CALR3: variants seen among roughly 807,000 people sequenced by gnomAD.
CALR3 encodes calreticulin 3, also known as calreticulin-3.
In CALR3, 39 loss-of-function variants were observed where a neutral mutation model predicts 48.7. That is an observed-to-expected ratio of 0.80 (90% CI 0.62 to 1.05). The LOEUF (loss-of-function observed/expected upper bound fraction) is 1.05. Among genes scored for constraint, CALR3 ranks in the 50% least tolerant of loss-of-function variants. The pLI is 0.00. For synonymous variants in CALR3, 185 were observed against 172.7 expected (o/e 1.07, Z -0.56); for missense variants, 449 against 474.7 (o/e 0.95, Z 0.50).
intron 2 of CALR3, among the ~76,000 whole-genome samples, chr19:16,491,977 C>T (rs1599721634): frequency 2.0e-5 from 3 of 151,714 alleles, no homozygotes; most frequent in African/African-American, 4.8e-5. Context: ...TACAGGCGTG[C>T]GACACCATGC....
chr19:16,486,359 C>T (rs745663798), intron 3 of CALR3, among the ~76,000 whole-genome samples: 2 of 149,610 alleles, frequency 1.3e-5, no homozygotes, highest in South Asian at 2.1e-4. Flanking sequence ...TGGTGGCTCA[C>T]GGCTGTAATC....
chr19:16,479,360 T>C (rs12459647), intron 8 of CALR3, 86 bp from the exon 9 acceptor site: 2 of 1,500,964 alleles, frequency 1.3e-6, no homozygotes, highest in Non-Finnish European at 1.8e-6. Flanking sequence ...CCGAGGCAGA[T>C]GGATCACGAA....
intron 3 of CALR3, among the ~76,000 whole-genome samples, chr19:16,489,603 G>A (rs571545384): frequency 3.5e-5 from 5 of 141,702 alleles, no homozygotes; most frequent in Non-Finnish European, 6.1e-5. Context: ...TGGGCAACAA[G>A]AGCGAAACTC....
chr19:16,482,404 AAC>A, intron 7 of CALR3, 44 bp downstream of exon 7: 2 of 1,532,264 alleles, frequency 1.3e-6, no homozygotes, highest in Non-Finnish European at 1.8e-6. Context: ...AACAAAACAA[AAC>A]ACACACACGC....
chr19:16,492,728 CG>C (rs1265428581), intron 2 of CALR3, among the ~76,000 whole-genome samples: 3 of 151,866 alleles, frequency 2.0e-5, no homozygotes, highest in African/African-American at 7.3e-5. Flanking sequence ...AAAAATTAGC[CG>C]GGCGTGGTGG....
rs1196712022 is a variant in CALR3 at position 16,482,797 on chromosome 19, T to C, written c.679-12A>G. On this transcript the variant is annotated splice_polypyrimidine_tract_variant and intron_variant, in intron 5 of 8. Coordinates refer to ENST00000269881, the MANE Select transcript of CALR3 (RefSeq NM_145046.5). ...TGCTTCTCCCAGTCCTTCAAAGACA[T>C]GTAAGGAAAAAGTAAAATCAGTCAG... 6.2e-7 allele frequency: 1 copy of C among 1,608,814 alleles called. No individual in the cohort carries two copies. Among genetic ancestry groups the C allele is most frequent in the Admixed American group, 1.7e-5 (1 of 59,288 alleles).
chr19:16,487,662 AT>A (rs2093391287), intron 3 of CALR3, among the ~76,000 whole-genome samples: 1 of 151,150 alleles, frequency 6.6e-6, no homozygotes, highest in Non-Finnish European at 1.5e-5. Context: ...TTTGAGACGG[AT>A]TTTTGCTCTC....
In CALR3 at chr19:16,481,412, C is replaced by T. The variant is rs141125658; in HGVS notation, c.919-706G>A. On this transcript the variant is annotated intron_variant, in intron 7 of 8. Transcript: ENST00000269881. ...CCCTCTAAGGCACTGGTTCCTTAAA[C>T]GTGGCTGCACATCGGGATCACCAAA... Among the ~76,000 whole-genome samples the T allele has an allele frequency of 6.4e-3, 970 of 151,094 alleles. 12 individuals carry two copies. The highest frequency in any genetic ancestry group is 0.023 in the African/African-American group (925 of 41,086).
chr19:16,483,660 G>A lies in CALR3; in HGVS notation c.678+270C>T, dbSNP rs557219844. 2.7e-5 allele frequency: 10 copies of A among 369,200 alleles called. No homozygotes were observed. In the Admixed American group the frequency reaches 2.8e-4, roughly 10 times the overall value. 22.9% of individuals were successfully genotyped at this position (369,200 alleles called of 1,614,324 possible). A position where few individuals can be genotyped will look rare whatever the true frequency, so the allele number is the denominator to read the frequency against. ...TTGAACCTGGGAGGCGGAGGTTGCCGTGAGCTGAGATCACGCCACTGCACT... is the reference window on the plus strand; with the variant it reads ...TTGAACCTGGGAGGCGGAGGTTGCCATGAGCTGAGATCACGCCACTGCACT... On this transcript the variant is annotated intron_variant, in intron 5 of 8. Coordinates refer to ENST00000269881, the MANE Select transcript of CALR3 (RefSeq NM_145046.5).
At chr19:16,480,852 C>T in intron 7 of CALR3, 146 bp from the exon 8 acceptor site, 1 of 696,794 alleles carries the variant, frequency 1.4e-6, no homozygotes, top group Non-Finnish European at 2.5e-6. Flanking sequence ...GTTGCCTAGG[C>T]TGGATTTGAA....
intron 2 of CALR3, among the ~76,000 whole-genome samples, chr19:16,493,942 G>A (rs2093401832): frequency 1.3e-5 from 2 of 152,120 alleles, no homozygotes; most frequent in East Asian, 1.9e-4. Flanking sequence ...TGGCCGGGCT[G>A]GTCTCAACCT....
intron 2 of CALR3, among the ~76,000 whole-genome samples, chr19:16,491,447 T>A (rs1468343281): frequency 6.7e-6 from 1 of 149,822 alleles, no homozygotes; most frequent in Non-Finnish European, 1.5e-5. Flanking sequence ...CATTCTACTC[T>A]GCCTTTTCAG....
intron 7 of CALR3, 141 bp from the exon 8 acceptor site, chr19:16,480,847 C>G: frequency 2.8e-6 from 2 of 708,462 alleles, no homozygotes; most frequent in Middle Eastern, 3.9e-4. Flanking sequence ...GCTATGTTGC[C>G]TAGGCTGGAT....
intron 2 of CALR3, among the ~76,000 whole-genome samples, chr19:16,495,157 C>T (rs1022918404): frequency 6.8e-6 from 1 of 146,654 alleles, no homozygotes; most frequent in Admixed American, 7.1e-5. Flanking sequence ...ACCCGGGAGA[C>T]GGAGGTTTGA....
chr19:16,493,847 C>G (rs1353797301), intron 2 of CALR3, among the ~76,000 whole-genome samples: 1 of 151,814 alleles, frequency 6.6e-6, no homozygotes, highest in Non-Finnish European at 1.5e-5. Flanking sequence ...CCTGCCTCAG[C>G]CTCTGAAGTA....
At chr19:16,484,787 G>C (rs2093386616) in intron 4 of CALR3, among the ~76,000 whole-genome samples, 1 of 152,124 alleles carries the variant, frequency 6.6e-6, no homozygotes, top group Non-Finnish European at 1.5e-5. Context: ...CAAACTGCTG[G>C]GATTACAGGT....
In CALR3 at chr19:16,485,261, C is replaced by G. The variant is rs374008030; in HGVS notation, c.398-4G>C. Reference sequence around the variant, plus strand: ...TCAAATCCACAAATATCGGGTCCTACAAAAAAGATTAGCTGCTCTCAATTT... The same window carrying G: ...TCAAATCCACAAATATCGGGTCCTAGAAAAAAGATTAGCTGCTCTCAATTT... On this transcript the variant is annotated splice_region_variant and splice_polypyrimidine_tract_variant and intron_variant, in intron 3 of 8. Coordinates refer to ENST00000269881, the MANE Select transcript of CALR3 (RefSeq NM_145046.5). 1 of 1,573,840 alleles carries G rather than the reference C, an allele frequency of 6.4e-7. No homozygotes were observed. Among genetic ancestry groups the G allele is most frequent in the African/African-American group, 1.4e-5 (1 of 74,034 alleles).
At chr19:16,487,576 G>A (rs1354128348) in intron 3 of CALR3, among the ~76,000 whole-genome samples, 1 of 150,788 alleles carries the variant, frequency 6.6e-6, no homozygotes, top group Non-Finnish European at 1.5e-5. Flanking sequence ...CTCCCTTGAT[G>A]TTTCAGATAT....
chr19:16,480,692 G>T lies in CALR3; in HGVS notation c.933C>A (p.Thr311=). Residue 311 remains threonine, a synonymous_variant, in exon 8 of 9, where the codon ACC becomes ACA. Coordinates refer to ENST00000269881, the MANE Select transcript of CALR3 (RefSeq NM_145046.5). ...GLELWQVRSG[T]IFDNFLITDD... is the part of the protein sequence containing the mutation. Reference sequence around the variant, plus strand: ...CTGTGATCAGAAAGTTATCAAAAATGGTTCCAGATCTCACCTGCAGATGAA... The same window carrying T: ...CTGTGATCAGAAAGTTATCAAAAATTGTTCCAGATCTCACCTGCAGATGAA... 1 of 1,613,074 alleles carries T rather than the reference G, an allele frequency of 6.2e-7. No individual in the cohort carries two copies. The highest frequency in any genetic ancestry group is 8.5e-7 in the Non-Finnish European group (1 of 1,179,126).
Sources: allele counts gnomAD v4.1 joint callset (sites outside exome capture counted in the v4.1 genomes callset), GRCh38; gene constraint gnomAD v4.1.1; transcripts MANE v1.5; gene names NCBI Gene and HGNC (gene_info 2026-07-23, HGNC 2026-07-21).